The following CDKAL1 variants were observed in gnomAD, a reference collection of about 807,000 sequenced individuals.
CDKAL1 encodes CDKAL1 threonylcarbamoyladenosine tRNA methylthiotransferase.
In CDKAL1, 32 loss-of-function variants were observed where a neutral mutation model predicts 68.2. The observed-to-expected ratio is 0.47, with a 90% CI of 0.35 to 0.63. CDKAL1 has a LOEUF of 0.63. Ranked by LOEUF, CDKAL1 falls within the 30% of genes least tolerant of loss-of-function variation. The pLI is 0.00. For missense variants in CDKAL1, 606 were observed against 696.7 expected (o/e 0.87, Z 1.47); for synonymous variants, 234 against 244.3 (o/e 0.96, Z 0.39).
In CDKAL1 at chr6:20,729,391, TAGTTATTTACAATTCGG is replaced by T. The variant is rs560429498; in HGVS notation, c.372-10124_372-10108del. On this transcript the variant is annotated intron_variant, in intron 5 of 15. Transcript: ENST00000274695. ...TTCTTAATGTCTTATCCAACAAAAG[TAGTTATTTACAATTCGG>T]AGTATTTTCTTTCACAGGTTTTTCT... 9.8e-5 allele frequency among the ~76,000 whole-genome samples: 15 copies of T among 152,336 alleles called. No individual in the cohort carries two copies. The East Asian group carries it at 2.9e-3, about 29-fold the overall frequency.
chr6:21,099,473 G>T (rs1261460788), intron 12 of CDKAL1, among the ~76,000 whole-genome samples: 1 of 151,678 alleles, frequency 6.6e-6, no homozygotes, highest in Non-Finnish European at 1.5e-5. Flanking sequence ...ACAAATCACA[G>T]ACTACACAAA....
At chr6:21,002,518 C>G (rs1300066338) in intron 11 of CDKAL1, among the ~76,000 whole-genome samples, 1 of 151,966 alleles carries the variant, frequency 6.6e-6, no homozygotes, top group Non-Finnish European at 1.5e-5. Context: ...GTATATGCAG[C>G]AAGGGCAGAA....
intron 4 of CDKAL1, among the ~76,000 whole-genome samples, chr6:20,562,407 A>G (rs1213047113): frequency 6.6e-6 from 1 of 152,150 alleles, no homozygotes; most frequent in Non-Finnish European, 1.5e-5. Flanking sequence ...ATCCAGCCCT[A>G]CTAAAGATGA....
At chr6:20,766,626 A>G (rs1389783188) in intron 7 of CDKAL1, among the ~76,000 whole-genome samples, 1 of 152,330 alleles carries the variant, frequency 6.6e-6, no homozygotes, top group East Asian at 1.9e-4. Flanking sequence ...GACTACAAGT[A>G]TTGTCAAATC....
intron 5 of CDKAL1, among the ~76,000 whole-genome samples, chr6:20,677,200 A>C (rs2127787407): frequency 6.6e-6 from 1 of 151,302 alleles, no homozygotes; most frequent in South Asian, 2.1e-4. Flanking sequence ...CCTCCCTAGT[A>C]GTTGGGATTA....
At chr6:20,618,579 C>T (rs1315740581) in intron 4 of CDKAL1, among the ~76,000 whole-genome samples, 1 of 152,194 alleles carries the variant, frequency 6.6e-6, no homozygotes, top group Non-Finnish European at 1.5e-5. Context: ...TGATCAAATT[C>T]ATGACTGCAT....
intron 13 of CDKAL1, among the ~76,000 whole-genome samples, chr6:21,127,229 G>C (rs1047919362): frequency 2.6e-5 from 4 of 152,150 alleles, no homozygotes; most frequent in African/African-American, 9.7e-5. Context: ...ATGCCCCTAG[G>C]AGAGAAGAAT....
At chr6:20,582,555 C>G (rs1003082602) in intron 4 of CDKAL1, among the ~76,000 whole-genome samples, 1 of 152,098 alleles carries the variant, frequency 6.6e-6, no homozygotes, top group African/African-American at 2.4e-5. Context: ...AGTTGTCTGA[C>G]ACAGTTTTCT....
intron 11 of CDKAL1, among the ~76,000 whole-genome samples, chr6:21,064,576 G>A (rs2150931979): frequency 6.6e-6 from 1 of 152,226 alleles, no homozygotes; most frequent in East Asian, 1.9e-4. Flanking sequence ...ACACATTGTG[G>A]AAAAACAAAA....
At position 21,198,096 on chromosome 6, in the gene CDKAL1, T is replaced by C; in HGVS notation, c.1375T>C (p.Tyr459His). The C allele has an allele frequency of 1.3e-6, 2 of 1,595,284 alleles. No individual in the cohort carries two copies. Among genetic ancestry groups the C allele is most frequent in the East Asian group, 2.3e-5 (1 of 44,308 alleles). Residue 459 changes from tyrosine (Y) to histidine (H), a missense_variant, in exon 14 of 16, where the codon TAT becomes CAT. By Grantham distance (83) the Tyr-to-His change is moderately conservative (BLOSUM62 2). Coordinates refer to ENST00000274695, the MANE Select transcript of CDKAL1 (RefSeq NM_017774.3). ...GTTTTATGTTGCACACAATCAATTC[T>C]ATGAGCAGGTAAGAGGCACTTCAGT... ...SKFYVAHNQF[Y>H]EQVLVPKNPA...
At chr6:21,005,808 C>T (rs1026372661) in intron 11 of CDKAL1, among the ~76,000 whole-genome samples, 5 of 152,074 alleles carry the variant, frequency 3.3e-5, no homozygotes, top group Non-Finnish European at 7.4e-5. Flanking sequence ...GTTCACTATA[C>T]CCAGAGATTG....
intron 4 of CDKAL1, among the ~76,000 whole-genome samples, chr6:20,646,054 T>TC (rs1479562735): frequency 1.5e-5 from 2 of 131,356 alleles, no homozygotes; most frequent in African/African-American, 2.9e-5. Flanking sequence ...TTAAATTTTT[T>TC]TTTTTTTTTT....
intron 13 of CDKAL1, among the ~76,000 whole-genome samples, chr6:21,128,854 G>T (rs570892005): frequency 8.5e-5 from 13 of 152,254 alleles, no homozygotes; most frequent in African/African-American, 3.1e-4. Context: ...TTCTGTTAAG[G>T]GGTGTTGAAC....
Position 21,232,116 on chromosome 6 carries a change from C to T in CDKAL1, c.*1077C>T, listed in dbSNP as rs1004419206. 1.3e-5 allele frequency: 2 copies of T among 151,030 alleles called. No individual in the cohort carries two copies. The highest frequency in any genetic ancestry group is 6.6e-5 in the Admixed American group (1 of 15,064). 9.4% of individuals were successfully genotyped at this position (151,030 alleles called of 1,614,324 possible). ...TGACCTCCTGGACTCAAGCAGTCCT[C>T]CTACCTCAGCCTCCCTAATAGCCAG... On this transcript the variant is annotated 3_prime_UTR_variant, in exon 16 of 16. Transcript: ENST00000274695.
At chr6:20,858,676 T>C (rs1211354147) in intron 9 of CDKAL1, among the ~76,000 whole-genome samples, 2 of 152,214 alleles carry the variant, frequency 1.3e-5, no homozygotes, top group African/African-American at 4.8e-5. Context: ...TCTTCCAGTA[T>C]GGACAGTGCT....
At chr6:20,635,970 A>AT (rs772985570) in intron 4 of CDKAL1, among the ~76,000 whole-genome samples, 2 of 152,162 alleles carry the variant, frequency 1.3e-5, no homozygotes, top group Non-Finnish European at 2.9e-5. Flanking sequence ...TAATGGTAGT[A>AT]AACTGGGGGA....
intron 11 of CDKAL1, among the ~76,000 whole-genome samples, chr6:21,024,767 T>C (rs1768870139): frequency 6.6e-6 from 1 of 152,198 alleles, no homozygotes; most frequent in Admixed American, 6.5e-5. Context: ...GTGGCCTGTC[T>C]TGTGATACTT....
intron 11 of CDKAL1, among the ~76,000 whole-genome samples, chr6:21,011,170 G>A (rs1182956982): frequency 1.3e-5 from 2 of 149,938 alleles, no homozygotes; most frequent in African/African-American, 4.9e-5. Flanking sequence ...CAAGGTCAGG[G>A]GATTGAGAGC....
intron 15 of CDKAL1, among the ~76,000 whole-genome samples, chr6:21,229,195 C>A (rs1485326475): frequency 1.3e-5 from 2 of 152,200 alleles, no homozygotes; most frequent in Admixed American, 6.5e-5. Flanking sequence ...CCCACACAAT[C>A]ACATATAAAT....
Sources: gnomAD v4.1 joint callset for allele counts (sites outside exome capture counted in the v4.1 genomes callset) on GRCh38, gnomAD v4.1.1 for gene constraint, MANE v1.5 for transcripts, NCBI Gene and HGNC (gene_info 2026-07-23, HGNC 2026-07-21) for gene names.